The following MMP16 variants were observed in gnomAD, a reference collection of about 807,000 sequenced individuals.
The protein encoded by MMP16 is matrix metallopeptidase 16, also known as matrix metalloproteinase-16.
In MMP16, 12 loss-of-function variants were observed where a neutral mutation model predicts 67.8. The ratio of observed to expected loss-of-function variants is 0.18; its 90% CI spans 0.11 to 0.29. The LOEUF (loss-of-function observed/expected upper bound fraction) is 0.29, where lower values mean the gene tolerates loss of function less well. MMP16 is among the 10% of genes least tolerant of loss of function. The pLI, the probability that MMP16 is intolerant of heterozygous loss-of-function variation, is 1.00. For missense variants in MMP16, 475 were observed against 765.7 expected, an observed-to-expected ratio of 0.62 and a Z score of 4.48; for synonymous variants, 249 against 255.9, an observed-to-expected ratio of 0.97 and a Z score of 0.26.
chr8:88,076,556 T>C (rs1423820637), intron 6 of MMP16, among the ~76,000 whole-genome samples: 1 of 152,168 alleles, frequency 6.6e-6, no homozygotes, highest in East Asian at 1.9e-4. Context: ...TTTTGATCCA[T>C]ATGCAGTAGA....
intron 1 of MMP16, among the ~76,000 whole-genome samples, chr8:88,233,208 C>A (rs181125899): frequency 6.6e-6 from 1 of 152,096 alleles, no homozygotes; most frequent in Non-Finnish European, 1.5e-5. Context: ...ATTATTCCAA[C>A]GACACTCCAC....
Position 88,150,361 on chromosome 8 carries a change from A to G in MMP16, c.709+17308T>C, listed in dbSNP as rs1253188108. On this transcript the variant is annotated intron_variant, in intron 4 of 9. Transcript: ENST00000286614. ...CGTTCAGATTCAGGAAATACAGAGA[A>G]CGCCACAAAGATACTCCTCGAGAAG... is the stretch of plus-strand genomic sequence containing the variant. Among the ~76,000 whole-genome samples, 59 of 85,576 alleles carry G rather than the reference A, an allele frequency of 6.9e-4. No individual in the cohort carries two copies. The South Asian group carries it at 0.024, about 35-fold the overall frequency. The allele number at this position is 85,576 out of a possible 152,430, so 56.1% of individuals were successfully genotyped here.
At chr8:88,170,121 C>T (rs190451784) in intron 3 of MMP16, among the ~76,000 whole-genome samples, 8 of 151,934 alleles carry the variant, frequency 5.3e-5, no homozygotes, top group Non-Finnish European at 1.0e-4. Flanking sequence ...CAAGATATAC[C>T]AATGGATTAG....
intron 1 of MMP16, among the ~76,000 whole-genome samples, chr8:88,273,313 A>G (rs1172107739): frequency 6.9e-6 from 1 of 145,860 alleles, no homozygotes; most frequent in Non-Finnish European, 1.5e-5. Flanking sequence ...CTTGTCTTGA[A>G]CTCCCAGCCT....
Position 88,116,701 on chromosome 8 carries a change from G to C in MMP16, c.889C>G (p.Pro297Ala). ...QKIYGPPDKI[P>A]PPTRPLPTVP... ...GTCGGTAGAGGTCTTGTAGGTGGAG[G>C]AATCTTGTCAGGTGGACCTTTTGAA... The change falls in exon 6 of 10, where the codon CCT becomes GCT. Residue 297 changes from proline (P) to alanine (A), a missense_variant. This residue lies in a region of MMP16 where 195 missense variants were observed against 300.9 expected (regional missense o/e 0.65). Coordinates refer to ENST00000286614, the MANE Select transcript of MMP16 (RefSeq NM_005941.5). The C allele has an allele frequency of 6.2e-7, 1 of 1,613,534 alleles. No individual in the cohort carries two copies.
chr8:88,243,221 C>T lies in MMP16; in HGVS notation c.133-45915G>A, dbSNP rs28904603. Among the ~76,000 whole-genome samples, 201 of 152,182 alleles carry T rather than the reference C, an allele frequency of 1.3e-3. 1 individual carries two copies. The highest frequency in any genetic ancestry group is 4.8e-3 in the African/African-American group (199 of 41,518). ...ATAGAAAGATAAATACAATATATTA[C>T]CAAGGTCATATATGTTTGCTGAAGC... On this transcript the variant is annotated intron_variant, in intron 1 of 9. Coordinates refer to ENST00000286614, the MANE Select transcript of MMP16 (RefSeq NM_005941.5).
At chr8:88,245,426 G>A (rs942140936) in intron 1 of MMP16, among the ~76,000 whole-genome samples, 7 of 152,168 alleles carry the variant, frequency 4.6e-5, no homozygotes, top group African/African-American at 1.7e-4. Context: ...CAGCATTACA[G>A]TATTTTGACA....
intron 6 of MMP16, among the ~76,000 whole-genome samples, chr8:88,088,035 GATAT>G (rs1271688831): frequency 8.1e-5 from 4 of 49,566 alleles, no homozygotes; most frequent in African/African-American, 1.5e-4. Flanking sequence ...TATATATATA[GATAT>G]ATAGATATCT....
chr8:88,270,638 T>C (rs1446851999), intron 1 of MMP16, among the ~76,000 whole-genome samples: 1 of 152,230 alleles, frequency 6.6e-6, no homozygotes, highest in Non-Finnish European at 1.5e-5. Context: ...AATAAATGCC[T>C]GGCCTGAGCC....
chr8:88,200,229 A>G (rs13257117), intron 1 of MMP16, among the ~76,000 whole-genome samples: 99,756 of 151,666 alleles, frequency 0.66, 35,351 homozygotes, highest in Non-Finnish European at 0.82. Context: ...CAAATCCAAA[A>G]GCAAATAAGG....
chr8:88,144,997 T>C (rs1223208275), intron 4 of MMP16, among the ~76,000 whole-genome samples: 1 of 152,038 alleles, frequency 6.6e-6, no homozygotes, highest in Non-Finnish European at 1.5e-5. Context: ...ATATGTTTTA[T>C]TTTGTAGAAT....
chr8:88,250,383 A>G (rs181758148), intron 1 of MMP16, among the ~76,000 whole-genome samples: 1 of 152,242 alleles, frequency 6.6e-6, no homozygotes, highest in East Asian at 1.9e-4. Flanking sequence ...AAGTGTTATT[A>G]TAAGAAAATA....
At chr8:88,314,218 A>T (rs1586015799) in intron 1 of MMP16, among the ~76,000 whole-genome samples, 1 of 152,132 alleles carries the variant, frequency 6.6e-6, no homozygotes, top group South Asian at 2.1e-4. Flanking sequence ...CATGTATTGT[A>T]ATTTTTATCT....
intron 1 of MMP16, among the ~76,000 whole-genome samples, chr8:88,218,372 A>T (rs1772483209): frequency 6.6e-6 from 1 of 152,006 alleles, no homozygotes; most frequent in Admixed American, 6.6e-5. Flanking sequence ...AAGGGGACAA[A>T]CTTTCAATTG....
At chr8:88,180,477 A>G (rs1453042112) in intron 3 of MMP16, among the ~76,000 whole-genome samples, 1 of 152,180 alleles carries the variant, frequency 6.6e-6, no homozygotes, top group Non-Finnish European at 1.5e-5. Flanking sequence ...CATTAAAAAA[A>G]CTAAGCCATA....
chr8:88,118,949 C>A, intron 4 of MMP16, 88 bp from the exon 5 acceptor site: 1 of 1,289,328 alleles, frequency 7.8e-7, no homozygotes, highest in East Asian at 2.5e-5. Context: ...AACATTTTAC[C>A]CAAGAAAAAT....
chr8:88,186,330 T>A (rs1012458065), intron 3 of MMP16, 146 bp downstream of exon 3: 23 of 1,064,150 alleles, frequency 2.2e-5, no homozygotes, highest in Non-Finnish European at 2.7e-5. Flanking sequence ...TACTCTCCTC[T>A]CAATAGCAAT....
intron 6 of MMP16, among the ~76,000 whole-genome samples, chr8:88,093,890 G>A (rs1422636053): frequency 6.6e-6 from 1 of 151,690 alleles, no homozygotes; most frequent in East Asian, 2.0e-4. Context: ...CACTATAAAT[G>A]TTTCATGTTT....
At chr8:88,153,912 C>G (rs1396211225) in intron 4 of MMP16, among the ~76,000 whole-genome samples, 2 of 151,246 alleles carry the variant, frequency 1.3e-5, no homozygotes, top group Non-Finnish European at 1.5e-5. Context: ...AAGAAACTAC[C>G]ATCAGAGTGA....
Sources: gnomAD v4.1 joint callset for allele counts (sites outside exome capture counted in the v4.1 genomes callset) on GRCh38, gnomAD v4.1.1 for gene constraint, gnomAD v4.1.1 regional missense constraint, MANE v1.5 for transcripts, NCBI Gene and HGNC (gene_info 2026-07-23, HGNC 2026-07-21) for gene names.